UGCG: variants seen among roughly 807,000 people sequenced by gnomAD.
UGCG encodes UDP-glucose ceramide glucosyltransferase, also known as ceramide glucosyltransferase.
Under a neutral mutation model 49.5 loss-of-function variants are expected in UGCG, and 10 were observed. That is an observed-to-expected ratio of 0.20 (90% CI 0.12 to 0.34). UGCG has a LOEUF of 0.34. Among genes scored for constraint, UGCG ranks in the 10% least tolerant of loss-of-function variants. UGCG has a pLI of 1.00. For missense variants in UGCG, 312 were observed against 483.7 expected (o/e 0.65, Z 3.33); for synonymous variants, 182 against 158.2 (o/e 1.15, Z -1.13).
chr9:111,914,972 G>A (rs1838086872), intron 2 of UGCG: 1 of 466,338 alleles, frequency 2.1e-6, no homozygotes, highest in African/African-American at 2.0e-5. Context: ...GTGAAGTAGA[G>A]ATCCCTGAGT....
chr9:111,932,652 T>C (rs1459239370), intron 8 of UGCG, among the ~76,000 whole-genome samples, 175 bp from the exon 9 acceptor site: 1 of 152,248 alleles, frequency 6.6e-6, no homozygotes, highest in African/African-American at 2.4e-5. Flanking sequence ...TTTTAATGCT[T>C]CATTAACAAT....
In UGCG at chr9:111,926,424, A is replaced by C; in HGVS notation, c.486A>C (p.Thr162=). 5 of 1,611,356 alleles carry C rather than the reference A, an allele frequency of 3.1e-6. No individual in the cohort carries two copies. The South Asian group carries it at 5.5e-5, about 18-fold the overall frequency. Residue 162 remains threonine (T), a synonymous_variant, in exon 5 of 9, where the codon ACA becomes ACC. Coordinates refer to ENST00000374279, the MANE Select transcript of UGCG (RefSeq NM_003358.3). ...TTACTGACATGGTGAATCAAATGACAGAAAAAGTAGGCTTGGTTCACGGGC... is the reference window on the plus strand; with the variant it reads ...TTACTGACATGGTGAATCAAATGACCGAAAAAGTAGGCTTGGTTCACGGGC... The part of the protein sequence containing the change: ...DTLTDMVNQM[T]EKVGLVHGLP...
At chr9:111,907,206 G>A (rs570803114) in intron 1 of UGCG, among the ~76,000 whole-genome samples, 119 of 152,316 alleles carry the variant, frequency 7.8e-4, no homozygotes, top group Middle Eastern at 6.8e-3. Context: ...TTCTCTCAAA[G>A]TGTTCCAAAC....
chr9:111,927,448 T>C (rs1470482662), intron 5 of UGCG, among the ~76,000 whole-genome samples: 1 of 151,902 alleles, frequency 6.6e-6, no homozygotes, highest in African/African-American at 2.4e-5. Flanking sequence ...GTTTTTTTGT[T>C]TTTTTTGTTT....
chr9:111,932,032 A>AGC, intron 7 of UGCG, 138 bp from the exon 8 acceptor site: 1 of 948,628 alleles, frequency 1.1e-6, no homozygotes, highest in South Asian at 1.8e-5. Flanking sequence ...GTAAAAAAAA[A>AGC]AAAACAAAAC....
rs1339496278 is a variant in UGCG at position 111,933,442 on chromosome 9, C to T, written c.*445C>T. On this transcript the variant is annotated 3_prime_UTR_variant, in exon 9 of 9. Transcript: ENST00000374279. ...TAATAGAAGGAATGACTATTCATGT[C>T]CAAAGTGAATGGTTTTGTGCAGTGA... 1 of 152,108 alleles carries T rather than the reference C, an allele frequency of 6.6e-6. No homozygotes were observed. Among genetic ancestry groups the T allele is most frequent in the African/African-American group, 2.4e-5 (1 of 41,392 alleles). The allele number at this position is 152,108 out of a possible 1,614,324, so 9.4% of individuals were successfully genotyped here. A position where few individuals can be genotyped will look rare whatever the true frequency, so the allele number is the denominator to read the frequency against.
intron 1 of UGCG, among the ~76,000 whole-genome samples, chr9:111,903,922 A>G (rs1252733607): frequency 6.6e-6 from 1 of 152,046 alleles, no homozygotes; most frequent in Admixed American, 6.6e-5. Flanking sequence ...GTGGTTGTCA[A>G]GTTTGACTGC....
intron 2 of UGCG, 169 bp downstream of exon 2, chr9:111,914,915 G>A: frequency 3.2e-6 from 3 of 951,820 alleles, no homozygotes; most frequent in Admixed American, 6.3e-5. Flanking sequence ...ACAGAAATAG[G>A]TTGAGGAAGG....
At chr9:111,919,134 A>G (rs1429555072) in intron 2 of UGCG, among the ~76,000 whole-genome samples, 1 of 152,140 alleles carries the variant, frequency 6.6e-6, no homozygotes, top group African/African-American at 2.4e-5. Context: ...TTTTTATTGT[A>G]CTTTATGGAA....
At chr9:111,910,657 T>G (rs1417213963) in intron 1 of UGCG, among the ~76,000 whole-genome samples, 1 of 152,224 alleles carries the variant, frequency 6.6e-6, no homozygotes, top group African/African-American at 2.4e-5. Flanking sequence ...CCTTCTCTTC[T>G]CTTGGGTTTT....
At chr9:111,932,017 C>T in intron 7 of UGCG, 153 bp from the exon 8 acceptor site, 1 of 770,250 alleles carries the variant, frequency 1.3e-6, no homozygotes, top group Non-Finnish European at 2.0e-6. Flanking sequence ...AGAACCCCGT[C>T]TCAAGTAAAA....
intron 1 of UGCG, among the ~76,000 whole-genome samples, chr9:111,903,744 TGCCACCAC>T (rs1210145433): frequency 6.6e-6 from 1 of 151,000 alleles, no homozygotes. Flanking sequence ...TACAGGCACA[TGCCACCAC>T]GCCTGGCTGA....
At chr9:111,902,809 A>G (rs1252990389) in intron 1 of UGCG, among the ~76,000 whole-genome samples, 2 of 149,984 alleles carry the variant, frequency 1.3e-5, no homozygotes, top group Non-Finnish European at 3.0e-5. Context: ...ACAGAGTCTC[A>G]TTCTGTTGCC....
chr9:111,926,358 CT>C (rs767433820), intron 4 of UGCG, 25 bp from the exon 5 acceptor site: 4 of 1,551,070 alleles, frequency 2.6e-6, no homozygotes, highest in South Asian at 1.2e-5. Context: ...TTTTCTCCCC[CT>C]CTCTGCCTTT....
intron 1 of UGCG, among the ~76,000 whole-genome samples, chr9:111,909,143 C>T (rs1289097346): frequency 6.6e-6 from 1 of 152,124 alleles, no homozygotes; most frequent in Non-Finnish European, 1.5e-5. Flanking sequence ...TGGTCTTGAA[C>T]TCCTGACCTC....
intron 1 of UGCG, among the ~76,000 whole-genome samples, chr9:111,904,803 A>G (rs1280380080): frequency 3.3e-5 from 5 of 152,200 alleles, no homozygotes; most frequent in Non-Finnish European, 1.5e-5. Flanking sequence ...TGGAGGTTAC[A>G]GTGAGCCAAG....
chr9:111,933,081 C>G lies in UGCG; in HGVS notation c.*84C>G, dbSNP rs1838456118. 2 of 1,221,934 alleles carry G rather than the reference C, an allele frequency of 1.6e-6. No individual in the cohort carries two copies. Among genetic ancestry groups the G allele is most frequent in the Non-Finnish European group, 2.1e-6 (2 of 957,972 alleles). 75.7% of individuals were successfully genotyped at this position (1,221,934 alleles called of 1,614,324 possible). A position where few individuals can be genotyped will look rare whatever the true frequency, so the allele number is the denominator to read the frequency against. ...ATAAATGCTTTTAAAAATCTACCTTCTGTAGTTTTATCACATGTATGTTTT... is the reference window on the plus strand; with the variant it reads ...ATAAATGCTTTTAAAAATCTACCTTGTGTAGTTTTATCACATGTATGTTTT... On this transcript the variant is annotated 3_prime_UTR_variant, in exon 9 of 9. Transcript: ENST00000374279.
chr9:111,908,407 T>C (rs1308901356), intron 1 of UGCG, among the ~76,000 whole-genome samples: 1 of 152,142 alleles, frequency 6.6e-6, no homozygotes, highest in Non-Finnish European at 1.5e-5. Flanking sequence ...GGACAGTGAG[T>C]ACCCTTGAGG....
chr9:111,913,278 C>T (rs1838049636), intron 1 of UGCG, among the ~76,000 whole-genome samples: 1 of 152,158 alleles, frequency 6.6e-6, no homozygotes, highest in Non-Finnish European at 1.5e-5. Flanking sequence ...CTGTCGAATG[C>T]TTGGAGACTT....
Sources: gnomAD v4.1 joint callset for allele counts (sites outside exome capture counted in the v4.1 genomes callset) on GRCh38, gnomAD v4.1.1 for gene constraint, MANE v1.5 for transcripts, NCBI Gene and HGNC (gene_info 2026-07-23, HGNC 2026-07-21) for gene names.